The following PRMT8 variants were observed in gnomAD, a reference collection of about 807,000 sequenced individuals.
PRMT8 encodes the protein protein arginine N-methyltransferase 8.
In PRMT8, 7 loss-of-function variants were observed where a neutral mutation model predicts 47.1. That is an observed-to-expected ratio of 0.15 (90% CI 0.08 to 0.28). The LOEUF is 0.28. PRMT8 is among the 10% of genes least tolerant of loss of function. The pLI, the probability that PRMT8 is intolerant of heterozygous loss-of-function variation, is 1.00. For synonymous variants in PRMT8, 188 were observed against 186.5 expected, an observed-to-expected ratio of 1.01 and a Z score of -0.07; for missense variants, 237 against 505.4, an observed-to-expected ratio of 0.47 and a Z score of 5.09.
At chr12:3,404,979 C>A (rs778328310) in intron 1 of PRMT8, among the ~76,000 whole-genome samples, 1 of 152,072 alleles carries the variant, frequency 6.6e-6, no homozygotes, top group South Asian at 2.1e-4. Context: ...ATTTGGTTAG[C>A]CTTGGATATC....
rs186813120 is a variant in PRMT8, at chr12:3,454,159, C to A, written c.48+72717C>A. ...TCCTAGCCCCTGCTGTCTCTTCACTCTCCTGCAGCTTAATGCCGCCCCCGC... is the reference window on the plus strand; with the variant it reads ...TCCTAGCCCCTGCTGTCTCTTCACTATCCTGCAGCTTAATGCCGCCCCCGC... On this transcript the variant is annotated intron_variant, in intron 1 of 9. Coordinates refer to the PRMT8 transcript ENST00000452611. 2.8e-4 allele frequency among the ~76,000 whole-genome samples: 42 copies of A among 152,300 alleles called. No homozygotes were observed. In the East Asian group the frequency reaches 8.1e-3, roughly 29 times the overall value.
chr12:3,481,757 G>A (rs1348687836), intron 1 of PRMT8, among the ~76,000 whole-genome samples: 2 of 152,178 alleles, frequency 1.3e-5, no homozygotes, highest in Admixed American at 6.5e-5. Flanking sequence ...GGGCCCAGAA[G>A]AGGAACTTTG....
At chr12:3,416,014 C>T (rs1380174354) in intron 1 of PRMT8, among the ~76,000 whole-genome samples, 1 of 152,218 alleles carries the variant, frequency 6.6e-6, no homozygotes, top group African/African-American at 2.4e-5. Flanking sequence ...TTGCCAGAGA[C>T]ATGGCTGTTG....
Position 3,491,558 on chromosome 12 carries a change from TTTTA to T in PRMT8, c.-67_-64del. The stretch of plus-strand genomic sequence containing the variant: ...TTTTCTCCCATCCTCTCGCTCTCTC[TTTTA>T]AAGCGACACCAGCTCTCTCTCCTCC... On this transcript the variant is annotated 5_prime_UTR_variant, in exon 1 of 10. Coordinates refer to ENST00000382622, the MANE Select transcript of PRMT8 (RefSeq NM_019854.5). 2 of 1,543,474 alleles carry T rather than the reference TTTTA, an allele frequency of 1.3e-6. No homozygotes were observed. The highest frequency in any genetic ancestry group is 1.7e-6 in the Non-Finnish European group (2 of 1,147,344).
At chr12:3,540,563 C>T (rs1378116358) in intron 1 of PRMT8, 43 bp from the exon 2 acceptor site, 3 of 1,356,144 alleles carry the variant, frequency 2.2e-6, no homozygotes, top group Admixed American at 1.7e-5. Context: ...GGGCGGGACC[C>T]CGTTGTCTCT....
At chr12:3,526,010 A>G (rs1865945509) in intron 1 of PRMT8, among the ~76,000 whole-genome samples, 1 of 152,114 alleles carries the variant, frequency 6.6e-6, no homozygotes, top group Admixed American at 6.6e-5. Flanking sequence ...AATTCTACCC[A>G]TCAAACACCA....
chr12:3,415,401 C>T (rs1026788424), intron 1 of PRMT8, among the ~76,000 whole-genome samples: 2 of 152,290 alleles, frequency 1.3e-5, no homozygotes, highest in South Asian at 4.2e-4. Flanking sequence ...TAACCTTCAG[C>T]CCCTCTCCCT....
intron 1 of PRMT8, among the ~76,000 whole-genome samples, chr12:3,412,277 A>T: frequency 6.6e-6 from 1 of 152,192 alleles, no homozygotes; most frequent in African/African-American, 2.4e-5. Flanking sequence ...AAAATTGTAC[A>T]CCTGTACAGG....
At chr12:3,477,374 C>A (rs1482519807) in intron 1 of PRMT8, among the ~76,000 whole-genome samples, 2 of 152,198 alleles carry the variant, frequency 1.3e-5, no homozygotes, top group East Asian at 3.8e-4. Flanking sequence ...TTGGAGCTTA[C>A]AGTGAGAAAC....
intron 1 of PRMT8, among the ~76,000 whole-genome samples, chr12:3,498,874 C>G (rs975689994): frequency 1.3e-5 from 2 of 152,200 alleles, no homozygotes; most frequent in Non-Finnish European, 2.9e-5. Flanking sequence ...GTTCTGGAAG[C>G]CAGAAGTCTG....
chr12:3,392,690 A>G (rs528529075), intron 1 of PRMT8, among the ~76,000 whole-genome samples: 1 of 152,250 alleles, frequency 6.6e-6, no homozygotes, highest in South Asian at 2.1e-4. Context: ...ATGTGTCTTT[A>G]AAGCAGCATG....
intron 1 of PRMT8, among the ~76,000 whole-genome samples, chr12:3,387,298 A>G (rs1864150419): frequency 6.6e-6 from 1 of 152,256 alleles, no homozygotes; most frequent in African/African-American, 2.4e-5. Context: ...AAAATAAACC[A>G]GGGTAACAAA....
chr12:3,438,772 A>G (rs1187173436), intron 1 of PRMT8, among the ~76,000 whole-genome samples: 1 of 152,258 alleles, frequency 6.6e-6, no homozygotes, highest in African/African-American at 2.4e-5. Context: ...TGAGAAAAAT[A>G]AGAACAGAGT....
intron 1 of PRMT8, among the ~76,000 whole-genome samples, chr12:3,416,821 T>C (rs1441897281): frequency 6.6e-6 from 1 of 152,324 alleles, no homozygotes; most frequent in East Asian, 1.9e-4. Context: ...CTGGAGAGAT[T>C]AGAAACTGCC....
intron 1 of PRMT8, among the ~76,000 whole-genome samples, chr12:3,392,190 AT>A (rs1228748962): frequency 2.6e-5 from 4 of 151,916 alleles, no homozygotes; most frequent in East Asian, 1.9e-4. Context: ...ATTTTATTTT[AT>A]TTTTTTATTT....
intron 1 of PRMT8, chr12:3,462,935 A>G (rs931129013): frequency 6.6e-6 from 1 of 150,700 alleles, no homozygotes; most frequent in African/African-American, 2.5e-5. Flanking sequence ...AGCATTAATC[A>G]CTGCACAAGC....
chr12:3,552,911 C>A lies in PRMT8; in HGVS notation c.418-740C>A. 2.7e-6 allele frequency: 1 copy of A among 375,838 alleles called. No individual in the cohort carries two copies. Among genetic ancestry groups the A allele is most frequent in the Non-Finnish European group, 5.4e-6 (1 of 186,862 alleles). The allele number at this position is 375,838 out of a possible 1,614,324, so 23.3% of individuals were successfully genotyped here. On this transcript the variant is annotated intron_variant, in intron 3 of 9. Coordinates refer to ENST00000382622, the MANE Select transcript of PRMT8 (RefSeq NM_019854.5). The surrounding 1 kb of genome is among the most constrained non-coding windows in gnomAD (Gnocchi z 4.5). The stretch of plus-strand genomic sequence containing the variant: ...CTCCGGAGGTGAGGACGGCTCTTGG[C>A]AGCTGCCCCTCCATGTCCAGAACCC...
intron 1 of PRMT8, among the ~76,000 whole-genome samples, chr12:3,517,953 T>C (rs1355624721): frequency 6.6e-6 from 1 of 151,950 alleles, no homozygotes; most frequent in Non-Finnish European, 1.5e-5. Context: ...ATTTTCTATG[T>C]GAATAATAAA....
chr12:3,591,836 A>G (rs1187642402), intron 8 of PRMT8, among the ~76,000 whole-genome samples: 1 of 152,226 alleles, frequency 6.6e-6, no homozygotes, highest in Non-Finnish European at 1.5e-5. Flanking sequence ...TCTCTTCCCC[A>G]TACTGTCTGA....
Sources: allele counts gnomAD v4.1 joint callset (sites outside exome capture counted in the v4.1 genomes callset), GRCh38; gene constraint gnomAD v4.1.1; non-coding constraint Gnocchi (gnomAD v3.1); transcripts MANE v1.5; gene names NCBI Gene and HGNC (gene_info 2026-07-23, HGNC 2026-07-21).